Variants in LRRC4C observed in about 807,000 individuals in gnomAD.
LRRC4C encodes the protein leucine-rich repeat-containing protein 4C.
In LRRC4C, 5 loss-of-function variants were observed where a neutral mutation model predicts 33.6. That is an observed-to-expected ratio of 0.15 (90% CI 0.08 to 0.31). LRRC4C has a LOEUF of 0.31. Ranked by LOEUF, LRRC4C falls within the 10% of genes least tolerant of loss-of-function variation. The pLI, the probability that LRRC4C is intolerant of heterozygous loss-of-function variation, is 1.00. For missense variants in LRRC4C, 560 were observed against 796.7 expected (o/e 0.70, Z 3.58); for synonymous variants, 329 against 302.0 (o/e 1.09, Z -0.93).
chr11:40,886,114 G>A (rs980354272), intron 2 of LRRC4C, among the ~76,000 whole-genome samples: 3 of 151,926 alleles, frequency 2.0e-5, no homozygotes, highest in African/African-American at 4.8e-5. Flanking sequence ...AATTAATAAA[G>A]CAACAATAAA....
At chr11:40,541,181 T>C (rs1458576493) in intron 3 of LRRC4C, among the ~76,000 whole-genome samples, 1 of 152,112 alleles carries the variant, frequency 6.6e-6, no homozygotes, top group East Asian at 1.9e-4. Context: ...TTTGTCTGTT[T>C]TTAGTTAATT....
chr11:40,769,081 C>G (rs1022984575), intron 2 of LRRC4C, among the ~76,000 whole-genome samples: 1 of 151,762 alleles, frequency 6.6e-6, no homozygotes, highest in African/African-American at 2.4e-5. Context: ...CACAGAAAAA[C>G]CAAAAGATTT....
chr11:40,423,566 G>A (rs568494985), intron 3 of LRRC4C, among the ~76,000 whole-genome samples: 71 of 151,612 alleles, frequency 4.7e-4, no homozygotes, highest in African/African-American at 1.6e-3. Flanking sequence ...GGATGGTCTC[G>A]ATCTCCTGAC....
chr11:41,170,769 C>T (rs1944939475), intron 1 of LRRC4C, among the ~76,000 whole-genome samples: 1 of 152,156 alleles, frequency 6.6e-6, no homozygotes, highest in Non-Finnish European at 1.5e-5. Flanking sequence ...TCTAATTAAA[C>T]TAAAGAGCTC....
At chr11:41,413,184 A>G (rs1393856529) in intron 1 of LRRC4C, among the ~76,000 whole-genome samples, 4 of 152,190 alleles carry the variant, frequency 2.6e-5, no homozygotes, top group Non-Finnish European at 5.9e-5. Context: ...AACTGTTCAT[A>G]CAAGGAATGG....
chr11:40,402,745 T>C (rs984758678), intron 3 of LRRC4C, among the ~76,000 whole-genome samples: 6 of 152,146 alleles, frequency 3.9e-5, no homozygotes, highest in African/African-American at 1.4e-4. Flanking sequence ...GAAATTTATA[T>C]ATACCCAGAA....
intron 1 of LRRC4C, among the ~76,000 whole-genome samples, chr11:41,180,807 T>C (rs1044374986): frequency 1.3e-5 from 2 of 152,114 alleles, no homozygotes; most frequent in Non-Finnish European, 2.9e-5. Flanking sequence ...ATCATTATCC[T>C]AAGATATCTT....
chr11:40,334,184 G>C lies in LRRC4C; in HGVS notation c.-269-14463C>G, dbSNP rs184391110. Among the ~76,000 whole-genome samples, 315 of 152,090 alleles carry C rather than the reference G, an allele frequency of 2.1e-3. 2 individuals are homozygous for C. Among genetic ancestry groups the C allele is most frequent in the African/African-American group, 7.3e-3 (304 of 41,464 alleles). ...ATCCTCTTACATTTTATATTTAAGG[G>C]CACCTATAATGTTTTCAAAGGTCTT... On this transcript the variant is annotated intron_variant, in intron 3 of 6. Coordinates refer to ENST00000528697, the MANE Select transcript of LRRC4C (RefSeq NM_001258419.2).
intron 3 of LRRC4C, among the ~76,000 whole-genome samples, chr11:40,611,219 C>T (rs1296913062): frequency 6.6e-6 from 1 of 151,716 alleles, no homozygotes; most frequent in Non-Finnish European, 1.5e-5. Flanking sequence ...GAAACCCATG[C>T]ATATACAGTT....
chr11:40,839,408 G>A (rs1005104088), intron 2 of LRRC4C, among the ~76,000 whole-genome samples: 1 of 152,058 alleles, frequency 6.6e-6, no homozygotes, highest in Non-Finnish European at 1.5e-5. Flanking sequence ...ACCATGCCTG[G>A]CTAATTTTTG....
intron 3 of LRRC4C, among the ~76,000 whole-genome samples, chr11:40,579,074 A>G (rs1958347136): frequency 2.0e-5 from 3 of 152,336 alleles, no homozygotes; most frequent in South Asian, 2.1e-4. Context: ...GATGTGGCTC[A>G]TGCTTTTAAT....
At chr11:40,143,749 G>A (rs2927205) in intron 5 of LRRC4C, among the ~76,000 whole-genome samples, 8,324 of 151,882 alleles carry the variant, frequency 0.055, 307 homozygotes, top group African/African-American at 0.1. Context: ...GTTTTATTTC[G>A]CTTGATAAAA....
chr11:40,115,404 G>A lies in LRRC4C; in HGVS notation c.889C>T (p.His297Tyr). ...CAGTTCCAAGGGTTGTGATGTAAAT[G>A]TATCCGCTCTAGATGATGCAAGGGA... ...FTPLHHLERI[H>Y]LHHNPWNCNC... The change falls in exon 7 of 7, where the codon CAT (histidine) becomes TAT (tyrosine). Residue 297 changes from histidine (H) to tyrosine (Y), a missense_variant. This residue lies in a region of LRRC4C where 455 missense variants were observed against 643.8 expected (regional missense o/e 0.71). Transcript: ENST00000528697. The surrounding 1 kb of genome is among the most constrained non-coding windows in gnomAD (Gnocchi z 6.7). 1 of 1,614,190 alleles carries A rather than the reference G, an allele frequency of 6.2e-7. No individual in the cohort carries two copies. The highest frequency in any genetic ancestry group is 8.5e-7 in the Non-Finnish European group (1 of 1,180,036).
At chr11:40,803,985 G>C (rs1951147818) in intron 2 of LRRC4C, among the ~76,000 whole-genome samples, 1 of 152,140 alleles carries the variant, frequency 6.6e-6, no homozygotes, top group Admixed American at 6.5e-5. Context: ...TAGTCACTCT[G>C]TTGTACTATC....
At chr11:40,568,382 T>C (rs1050436676) in intron 3 of LRRC4C, among the ~76,000 whole-genome samples, 1 of 152,180 alleles carries the variant, frequency 6.6e-6, no homozygotes, top group Non-Finnish European at 1.5e-5. Flanking sequence ...GCAGATACCT[T>C]GATTGCAGGC....
intron 1 of LRRC4C, among the ~76,000 whole-genome samples, chr11:41,117,474 T>G (rs2135739831): frequency 6.6e-6 from 1 of 152,328 alleles, no homozygotes. Flanking sequence ...CTGTAAACTA[T>G]GATAGCAACT....
intron 1 of LRRC4C, among the ~76,000 whole-genome samples, chr11:41,112,287 T>C (rs1385592189): frequency 6.6e-6 from 1 of 152,052 alleles, no homozygotes; most frequent in Non-Finnish European, 1.5e-5. Flanking sequence ...GGCCAGTTTC[T>C]AATCTCAGCA....
At chr11:41,244,016 A>G (rs1948354541) in intron 1 of LRRC4C, among the ~76,000 whole-genome samples, 1 of 152,156 alleles carries the variant, frequency 6.6e-6, no homozygotes, top group Admixed American at 6.5e-5. Context: ...CCTGTTTACC[A>G]AGTTAAAACG....
intron 2 of LRRC4C, among the ~76,000 whole-genome samples, chr11:40,925,239 A>G (rs568660261): frequency 6.6e-6 from 1 of 152,058 alleles, no homozygotes; most frequent in African/African-American, 2.4e-5. Flanking sequence ...GGGCTACCCA[A>G]TTTTATTTTC....
Sources: allele counts gnomAD v4.1 joint callset (sites outside exome capture counted in the v4.1 genomes callset), GRCh38; gene constraint gnomAD v4.1.1; regional missense constraint gnomAD v4.1.1; non-coding constraint Gnocchi (gnomAD v3.1); transcripts MANE v1.5; gene names NCBI Gene and HGNC (gene_info 2026-07-23, HGNC 2026-07-21).